Variants in CNNM2 observed in about 807,000 individuals in gnomAD.
CNNM2 encodes metal transporter CNNM2.
CNNM2 carries 12 observed loss-of-function variants against 66.9 expected under a neutral mutation model. The observed-to-expected ratio is 0.18, with a 90% CI of 0.11 to 0.29. The LOEUF is 0.29. Among genes scored for constraint, CNNM2 ranks in the 10% least tolerant of loss-of-function variants. The pLI is 1.00. For synonymous variants in CNNM2, 557 were observed against 501.8 expected (o/e 1.11, Z -1.47); for missense variants, 705 against 1,167.7 (o/e 0.60, Z 5.77).
At position 103,054,244 on chromosome 10, in the gene CNNM2, T is replaced by C. The variant is rs2065261093; in HGVS notation, c.1766-85T>C. 6.9e-7 allele frequency: 1 copy of C among 1,446,088 alleles called. No individual in the cohort carries two copies. The highest frequency in any genetic ancestry group is 1.4e-5 in the African/African-American group (1 of 70,094). The allele number at this position is 1,446,088 out of a possible 1,614,324, so 89.6% of individuals were successfully genotyped here. ...TGGAAATACAGTCCAGCTCTTCCAA[T>C]ATATTTTGTCTTTTTCATTCAAAAA... is the stretch of plus-strand genomic sequence containing the variant. On this transcript the variant is annotated intron_variant, in intron 2 of 7. Transcript: ENST00000369878. The surrounding 1 kb of genome is among the most constrained non-coding windows in gnomAD (Gnocchi z 5.2).
At position 103,089,900 on chromosome 10, in the gene CNNM2, A is replaced by C; in HGVS notation, c.*12720A>C. On this transcript the variant is annotated 3_prime_UTR_variant, in exon 8 of 8. Transcript: ENST00000369878. ...CGTGTGTGTGCTCCACCGTTGATTC[A>C]TGAGGCATCTAGACAGAAAAAAGCT... 1 of 1,600,826 alleles carries C rather than the reference A, an allele frequency of 6.2e-7. No homozygotes were observed. Among genetic ancestry groups the C allele is most frequent in the Non-Finnish European group, 8.5e-7 (1 of 1,172,746 alleles).
intron 1 of CNNM2, among the ~76,000 whole-genome samples, chr10:102,959,505 TC>T (rs1041836813): frequency 1.3e-5 from 2 of 152,224 alleles, no homozygotes; most frequent in African/African-American, 4.8e-5. Context: ...GAATTCTGGC[TC>T]CTTTGCTTAA....
At chr10:103,040,325 G>A (rs1270436783) in intron 1 of CNNM2, among the ~76,000 whole-genome samples, 2 of 151,814 alleles carry the variant, frequency 1.3e-5, no homozygotes, top group Non-Finnish European at 2.9e-5. Context: ...GGATTAAAAG[G>A]GCTCAAGCAG....
Position 103,076,132 on chromosome 10 carries a change from C to A in CNNM2, c.2280C>A (p.Asp760Glu), listed in dbSNP as rs768785745. 1.9e-6 allele frequency: 3 copies of A among 1,611,638 alleles called. No individual in the cohort carries two copies. In the South Asian group the frequency reaches 3.3e-5, roughly 18 times the overall value. ...GCCCATGTGGCTTGAATCACTCAGA[C>A]TCTCTCAGTCGAAGCGACCGGATTG... ...PPRPCGLNHSDSLSRSDRIDA... is the reference protein window; with the variant it reads ...PPRPCGLNHSESLSRSDRIDA... Residue 760 changes from aspartate (D) to glutamate (E), a missense_variant, in exon 7 of 8, where the codon GAC becomes GAA. By Grantham distance (45) the Asp-to-Glu change is conservative. Transcript: ENST00000369878.
At chr10:103,032,603 C>G (rs1354986831) in intron 1 of CNNM2, among the ~76,000 whole-genome samples, 1 of 149,396 alleles carries the variant, frequency 6.7e-6, no homozygotes, top group African/African-American at 2.5e-5. Context: ...TGGGAACATA[C>G]TATAATATTC....
intron 1 of CNNM2, among the ~76,000 whole-genome samples, chr10:102,926,287 A>G (rs1015417420): frequency 5.3e-5 from 8 of 152,242 alleles, no homozygotes; most frequent in African/African-American, 1.9e-4. Flanking sequence ...AAGTCTGAGC[A>G]TAGACATTTA....
intron 1 of CNNM2, among the ~76,000 whole-genome samples, chr10:102,975,932 G>C (rs974589194): frequency 3.2e-4 from 48 of 152,290 alleles, no homozygotes; most frequent in Middle Eastern, 3.4e-3. Flanking sequence ...CACCATAGGG[G>C]AGAAGAGACT....
chr10:102,964,928 C>G (rs1281126793), intron 1 of CNNM2, among the ~76,000 whole-genome samples: 1 of 152,022 alleles, frequency 6.6e-6, no homozygotes, highest in Non-Finnish European at 1.5e-5. Context: ...GATTGAAGCC[C>G]TCATAAAAGA....
At position 103,063,299 on chromosome 10, in the gene CNNM2, C is replaced by T. The variant is rs929822255; in HGVS notation, c.2074-5330C>T. On this transcript the variant is annotated intron_variant, in intron 4 of 7. Coordinates refer to ENST00000369878, the MANE Select transcript of CNNM2 (RefSeq NM_017649.5). ...TCTTTGGGTGCTGCAACTCCTCTCT[C>T]GGTTAATACAACCCAGTCTTTGTGC... Among the ~76,000 whole-genome samples, 13 of 152,176 alleles carry T rather than the reference C, an allele frequency of 8.5e-5. No homozygotes were observed. The South Asian group carries it at 1.2e-3, about 15-fold the overall frequency.
chr10:103,008,612 C>T (rs1438177493), intron 1 of CNNM2, among the ~76,000 whole-genome samples: 2 of 151,858 alleles, frequency 1.3e-5, no homozygotes, highest in Non-Finnish European at 2.9e-5. Context: ...AACTGTATCT[C>T]TACCAAAAAT....
At chr10:103,019,375 G>A (rs1484622358) in intron 1 of CNNM2, among the ~76,000 whole-genome samples, 1 of 152,040 alleles carries the variant, frequency 6.6e-6, no homozygotes, top group Admixed American at 6.6e-5. Flanking sequence ...GGGTTCTATT[G>A]GACAAGACTA....
chr10:102,933,604 T>A lies in CNNM2; in HGVS notation c.1621+13503T>A, dbSNP rs7073716. On this transcript the variant is annotated intron_variant, in intron 1 of 7. Transcript: ENST00000369878. ...AATTTGCTTGTAGTGGATTTTGTTT[T>A]TTTAAAAAATGTAGGGATTTTTACT... Among the ~76,000 whole-genome samples, 28,586 of 152,192 alleles carry A rather than the reference T, an allele frequency of 0.19. 2,870 individuals are homozygous for A. The highest frequency in any genetic ancestry group is 0.22 in the Non-Finnish European group (15,053 of 67,998).
rs7908280 is a variant in CNNM2, at chr10:103,057,190, C to G, written c.2073+226C>G. ...AATACTAAAAGGTGCTTAGTAGGCT[C>G]GGTGCAGTGGCACATACCTGTCATT... On this transcript the variant is annotated intron_variant, in intron 4 of 7. Coordinates refer to ENST00000369878, the MANE Select transcript of CNNM2 (RefSeq NM_017649.5). Among the ~76,000 whole-genome samples, 61,651 of 151,986 alleles carry G rather than the reference C, an allele frequency of 0.41. 12,696 individuals carry two copies. Among genetic ancestry groups the G allele is most frequent in the East Asian group, 0.56 (2,896 of 5,182 alleles).
chr10:103,055,322 A>T (rs2065278667), intron 3 of CNNM2, among the ~76,000 whole-genome samples: 1 of 152,248 alleles, frequency 6.6e-6, no homozygotes, highest in Non-Finnish European at 1.5e-5. Context: ...GTTTAAAAGA[A>T]GGCTAGCCGC....
chr10:102,967,513 A>C (rs923228616), intron 1 of CNNM2, among the ~76,000 whole-genome samples: 10 of 152,312 alleles, frequency 6.6e-5, no homozygotes, highest in African/African-American at 2.4e-4. Flanking sequence ...ATTTCCTATA[A>C]AAGGAATCAT....
chr10:102,971,593 T>C (rs1449461090), intron 1 of CNNM2, among the ~76,000 whole-genome samples: 1 of 152,196 alleles, frequency 6.6e-6, no homozygotes, highest in Admixed American at 6.5e-5. Flanking sequence ...GAAACTGCAG[T>C]GTACATTTTG....
At chr10:103,048,770 TTTTATGACAATTCCC>T (rs1409304989) in intron 1 of CNNM2, among the ~76,000 whole-genome samples, 1 of 152,190 alleles carries the variant, frequency 6.6e-6, no homozygotes, top group Non-Finnish European at 1.5e-5. Flanking sequence ...AACAGAAGTG[TTTTATGACAATTCCC>T]ATGTTGTCAT....
At chr10:103,011,015 A>G (rs2064332815) in intron 1 of CNNM2, among the ~76,000 whole-genome samples, 1 of 152,250 alleles carries the variant, frequency 6.6e-6, no homozygotes, top group Admixed American at 6.5e-5. Context: ...TCATTTTGAA[A>G]AAAGTAGTAA....
At chr10:102,929,597 G>A (rs536069919) in intron 1 of CNNM2, among the ~76,000 whole-genome samples, 98 of 152,170 alleles carry the variant, frequency 6.4e-4, no homozygotes, top group Non-Finnish European at 8.4e-4. Flanking sequence ...TTTATTATAG[G>A]TTCTACTTTC....
Sources: gnomAD v4.1 joint callset for allele counts (sites outside exome capture counted in the v4.1 genomes callset) on GRCh38, gnomAD v4.1.1 for gene constraint, Gnocchi (gnomAD v3.1) non-coding constraint, MANE v1.5 for transcripts, NCBI Gene and HGNC (gene_info 2026-07-23, HGNC 2026-07-21) for gene names.